GLYR1: variants seen among roughly 807,000 people sequenced by gnomAD.
The protein encoded by GLYR1 is cytokine-like nuclear factor N-PAC.
A neutral mutation model predicts 72.7 loss-of-function variants in GLYR1; 21 were observed. That is an observed-to-expected ratio of 0.29 (90% CI 0.20 to 0.42). The LOEUF (loss-of-function observed/expected upper bound fraction) is 0.42, where lower values mean the gene tolerates loss of function less well. GLYR1 is among the 10% of genes least tolerant of loss of function. The pLI is 1.00. For synonymous variants in GLYR1, 392 were observed against 270.2 expected (o/e 1.45, Z -4.42); for missense variants, 594 against 712.1 (o/e 0.83, Z 1.89).
chr16:4,820,090 C>T lies in GLYR1; in HGVS notation c.806+1290G>A, dbSNP rs570597889. 3.9e-5 allele frequency among the ~76,000 whole-genome samples: 6 copies of T among 152,160 alleles called. 1 individual carries two copies. The South Asian group carries it at 8.3e-4, about 21-fold the overall frequency. On this transcript the variant is annotated intron_variant, in intron 9 of 15. Transcript: ENST00000321919. ...TTGGCTCACTGCAACCTCCACCTCC[C>T]GGGTTCAAGCGATTCTCCCACCTCA...
chr16:4,805,610 G>A lies in GLYR1; in HGVS notation c.1588-300C>T, dbSNP rs1004842718. On this transcript the variant is annotated intron_variant, in intron 15 of 15. Coordinates refer to ENST00000321919, the MANE Select transcript of GLYR1 (RefSeq NM_032569.4). ...TGCGGCTCATGCCTGTAAGGCCGAG[G>A]TGGGTGGATCACCTGAAGTCAGGAG... Among the ~76,000 whole-genome samples, 10 of 152,350 alleles carry A rather than the reference G, an allele frequency of 6.6e-5. No homozygotes were observed. In the East Asian group the frequency reaches 1.9e-3, roughly 29 times the overall value.
intron 5 of GLYR1, among the ~76,000 whole-genome samples, chr16:4,827,976 A>G (rs2084511332): frequency 6.6e-6 from 1 of 152,054 alleles, no homozygotes; most frequent in African/African-American, 2.4e-5. Flanking sequence ...AATCAAATCT[A>G]TGGGGGACAT....
intron 5 of GLYR1, among the ~76,000 whole-genome samples, chr16:4,829,598 C>T (rs1481105245): frequency 6.6e-6 from 1 of 151,902 alleles, no homozygotes; most frequent in African/African-American, 2.4e-5. Flanking sequence ...GTGATCTTCT[C>T]ATCTCAGCTT....
Position 4,832,092 on chromosome 16 carries a change from C to G in GLYR1, c.424G>C (p.Glu142Gln). Reference protein sequence around the residue: ...SEGKVKKNMGEGKKRVSSGSS... With the variant: ...SEGKVKKNMGQGKKRVSSGSS... ...CCTGAAGACACCCTCTTCTTTCCTT[C>G]TCCCATGTTCTTCTTCACCTTCCCT... The change falls in exon 5 of 16, where the codon GAA becomes CAA. Residue 142 changes from glutamate to glutamine, a missense_variant. Physicochemically the swap from Glu to Gln is conservative, Grantham distance 29 (BLOSUM62 2). Coordinates refer to ENST00000321919, the MANE Select transcript of GLYR1 (RefSeq NM_032569.4). 6.2e-7 allele frequency: 1 copy of G among 1,614,238 alleles called. No homozygotes were observed. The highest frequency in any genetic ancestry group is 8.5e-7 in the Non-Finnish European group (1 of 1,180,054).
intron 9 of GLYR1, among the ~76,000 whole-genome samples, chr16:4,819,368 G>T (rs748519600): frequency 1.3e-5 from 2 of 151,684 alleles, no homozygotes; most frequent in African/African-American, 4.8e-5. Flanking sequence ...AGTGCAGGGG[G>T]GTGATCATAG....
intron 5 of GLYR1, among the ~76,000 whole-genome samples, chr16:4,825,728 T>C (rs1472864580): frequency 6.6e-6 from 1 of 152,118 alleles, no homozygotes; most frequent in Non-Finnish European, 1.5e-5. Context: ...CTTGGCTCAC[T>C]GCAACCTCTG....
At chr16:4,838,127 T>A (rs1035903932) in intron 3 of GLYR1, among the ~76,000 whole-genome samples, 1 of 152,028 alleles carries the variant, frequency 6.6e-6, no homozygotes, top group African/African-American at 2.4e-5. Flanking sequence ...TACTGAGGTG[T>A]TACAGGCCAA....
At chr16:4,813,406 G>A (rs1040376737) in intron 12 of GLYR1, among the ~76,000 whole-genome samples, 1 of 152,202 alleles carries the variant, frequency 6.6e-6, no homozygotes, top group Non-Finnish European at 1.5e-5. Flanking sequence ...TGGGCCAGAT[G>A]CTCGGGGAGG....
Position 4,829,259 on chromosome 16 carries a change from T to TA in GLYR1, c.537+2719dup, listed in dbSNP as rs1204006997. 2.6e-5 allele frequency among the ~76,000 whole-genome samples: 4 copies of TA among 152,046 alleles called. 1 individual carries two copies. The highest frequency in any genetic ancestry group is 5.9e-5 in the Non-Finnish European group (4 of 67,970). On this transcript the variant is annotated intron_variant, in intron 5 of 15. Coordinates refer to ENST00000321919, the MANE Select transcript of GLYR1 (RefSeq NM_032569.4). ...ATGGCCCCAAGACATATTTTTGAACTAAGCACATTTAAAATTGGGATATTT... is the reference window on the plus strand; with the variant it reads ...ATGGCCCCAAGACATATTTTTGAACTAAAGCACATTTAAAATTGGGATATTT...
In GLYR1 at chr16:4,834,473, T is replaced by C. The variant is rs2085004860; in HGVS notation, c.156-1561A>G. ...GCCACCACACCTGGCCTTTTTTTTT[T>C]CCTTTTTGAGACAGAGTCTCATTTT... On this transcript the variant is annotated intron_variant, in intron 3 of 15. Transcript: ENST00000321919. Among the ~76,000 whole-genome samples, 4 of 150,870 alleles carry C rather than the reference T, an allele frequency of 2.7e-5. No homozygotes were observed. In the South Asian group the frequency reaches 6.3e-4, roughly 24 times the overall value.
chr16:4,833,072 G>A, intron 3 of GLYR1, 160 bp from the exon 4 acceptor site: 1 of 535,230 alleles, frequency 1.9e-6, no homozygotes. Flanking sequence ...CCATCTCAGA[G>A]TCTTATGTCT....
rs1012475765 is a variant in GLYR1 at position 4,804,996 on chromosome 16, G to A, written c.*240C>T. On this transcript the variant is annotated 3_prime_UTR_variant, in exon 16 of 16. Coordinates refer to ENST00000321919, the MANE Select transcript of GLYR1 (RefSeq NM_032569.4). ...GAACACACAGCCACCTCGTCCGGGGGGCCAGTGCCCAGCTCAAGAGCTTTC... is the reference window on the plus strand; with the variant it reads ...GAACACACAGCCACCTCGTCCGGGGAGCCAGTGCCCAGCTCAAGAGCTTTC... 38 of 560,528 alleles carry A rather than the reference G, an allele frequency of 6.8e-5. No individual in the cohort carries two copies. The South Asian group carries it at 7.5e-4, about 11-fold the overall frequency. The allele number at this position is 560,528 out of a possible 1,614,324, so 34.7% of individuals were successfully genotyped here.
chr16:4,829,584 T>G lies in GLYR1; in HGVS notation c.537+2395A>C, dbSNP rs942664213. Among the ~76,000 whole-genome samples the G allele has an allele frequency of 6.6e-5, 10 of 152,050 alleles. 1 individual carries two copies. The highest frequency in any genetic ancestry group is 5.9e-4 in the Admixed American group (9 of 15,258). On this transcript the variant is annotated intron_variant, in intron 5 of 15. Coordinates refer to ENST00000321919, the MANE Select transcript of GLYR1 (RefSeq NM_032569.4). Reference sequence around the variant, plus strand: ...TCACTGTAACCTCCACCTCCTGGGTTCAAGTGATCTTCTCATCTCAGCTTT... The same window carrying G: ...TCACTGTAACCTCCACCTCCTGGGTGCAAGTGATCTTCTCATCTCAGCTTT...
intron 1 of GLYR1, 99 bp downstream of exon 1, chr16:4,847,129 G>C: frequency 8.8e-7 from 1 of 1,134,974 alleles, no homozygotes; most frequent in South Asian, 1.3e-5. Context: ...TCCGCGACCT[G>C]GAGCGCATAA....
At chr16:4,846,762 G>A (rs1331881821) in intron 1 of GLYR1, 5 of 233,100 alleles carry the variant, frequency 2.1e-5, no homozygotes, top group Non-Finnish European at 4.3e-5. Context: ...GGCAACGCCA[G>A]CAGTCCGGTT....
intron 15 of GLYR1, among the ~76,000 whole-genome samples, chr16:4,808,517 G>C (rs934439936): frequency 6.6e-6 from 1 of 151,978 alleles, no homozygotes; most frequent in African/African-American, 2.4e-5. Context: ...AGAATCACTT[G>C]AACCCAGGAG....
intron 11 of GLYR1, 133 bp downstream of exon 11, chr16:4,814,404 A>G: frequency 1.4e-6 from 1 of 703,342 alleles, no homozygotes; most frequent in African/African-American, 1.7e-5. Flanking sequence ...TCACAATGGG[A>G]GATGGCCCCT....
chr16:4,809,249 G>A (rs1183604742), intron 15 of GLYR1, among the ~76,000 whole-genome samples: 2 of 146,476 alleles, frequency 1.4e-5, no homozygotes, highest in Non-Finnish European at 3.0e-5. Context: ...GAGTGCAGTG[G>A]TGCGATCTAG....
chr16:4,827,014 G>C (rs576173251), intron 5 of GLYR1, among the ~76,000 whole-genome samples: 1 of 152,360 alleles, frequency 6.6e-6, no homozygotes, highest in African/African-American at 2.4e-5. Flanking sequence ...CTTTGATCTG[G>C]GTGGGCTGTG....
Sources: gnomAD v4.1 joint callset for allele counts (sites outside exome capture counted in the v4.1 genomes callset) on GRCh38, gnomAD v4.1.1 for gene constraint, MANE v1.5 for transcripts, NCBI Gene and HGNC (gene_info 2026-07-23, HGNC 2026-07-21) for gene names.